MYOM1: variants seen among roughly 807,000 people sequenced by gnomAD.
MYOM1 encodes the protein myomesin 1.
Under a neutral mutation model 205.3 loss-of-function variants are expected in MYOM1, and 164 were observed. The ratio of observed to expected loss-of-function variants is 0.80; its 90% CI spans 0.70 to 0.91. The LOEUF (loss-of-function observed/expected upper bound fraction) is 0.91, where lower values mean the gene tolerates loss of function less well. Among genes scored for constraint, MYOM1 ranks in the 40% least tolerant of loss-of-function variants. The probability of loss-of-function intolerance (pLI) is 0.00; values close to 1 mark genes in which losing one functional copy is unlikely to be tolerated. For synonymous variants in MYOM1, 772 were observed against 789.4 expected (o/e 0.98, Z 0.37); for missense variants, 2,011 against 2,127.3 (o/e 0.95, Z 1.08).
At chr18:3,099,059 T>A (rs2079343501) in intron 25 of MYOM1, among the ~76,000 whole-genome samples, 3 of 152,146 alleles carry the variant, frequency 2.0e-5, no homozygotes, top group African/African-American at 4.8e-5. Flanking sequence ...CCTCAAGTGA[T>A]CCTCTCGCTC....
chr18:3,122,170 T>A (rs935333556), intron 19 of MYOM1, among the ~76,000 whole-genome samples: 2 of 140,296 alleles, frequency 1.4e-5, no homozygotes, highest in African/African-American at 5.5e-5. Context: ...AAGTACAAAA[T>A]AAGATATTAG....
intron 15 of MYOM1, 57 bp from the exon 16 acceptor site, chr18:3,134,881 C>T: frequency 6.5e-7 from 1 of 1,539,750 alleles, no homozygotes; most frequent in East Asian, 2.2e-5. Context: ...TCATCCTTAT[C>T]ATCTATGCAC....
intron 20 of MYOM1, among the ~76,000 whole-genome samples, chr18:3,117,662 T>C (rs12965300): frequency 0.85 from 128,316 of 151,178 alleles, 55,039 homozygotes; most frequent in East Asian, 0.97. Context: ...TCCTTTCCTT[T>C]TTTTTTTTTT....
chr18:3,137,971 T>A (rs567425293), intron 14 of MYOM1, among the ~76,000 whole-genome samples: 73 of 152,284 alleles, frequency 4.8e-4, no homozygotes, highest in Non-Finnish European at 9.0e-4. Flanking sequence ...TAAAAAAAGA[T>A]GTTCTCTTTT....
intron 22 of MYOM1, among the ~76,000 whole-genome samples, chr18:3,104,429 A>G (rs1473350727): frequency 6.6e-6 from 1 of 152,230 alleles, no homozygotes; most frequent in African/African-American, 2.4e-5. Flanking sequence ...AAGGAAGTGA[A>G]TCATCCATAT....
intron 37 of MYOM1, among the ~76,000 whole-genome samples, chr18:3,068,938 T>A (rs1271405305): frequency 6.6e-6 from 1 of 152,160 alleles, no homozygotes; most frequent in Non-Finnish European, 1.5e-5. Flanking sequence ...TTATTTTTTT[T>A]AATTAAAAAA....
chr18:3,162,930 G>A lies in MYOM1; in HGVS notation c.1501+1348C>T, dbSNP rs192083479. Among the ~76,000 whole-genome samples the A allele has an allele frequency of 4.5e-3, 686 of 152,028 alleles. 3 individuals are homozygous for A. Among genetic ancestry groups the A allele is most frequent in the Middle Eastern group, 6.8e-3 (2 of 294 alleles). The stretch of plus-strand genomic sequence containing the variant: ...AGTCCCAGCTACTCGGGAGGCTGAC[G>A]CAAGAGAATGGTGTGAACCCAGGAG... On this transcript the variant is annotated intron_variant, in intron 10 of 37. Coordinates refer to ENST00000356443, the MANE Select transcript of MYOM1 (RefSeq NM_003803.4).
intron 9 of MYOM1, among the ~76,000 whole-genome samples, chr18:3,165,711 T>G (rs1197555017): frequency 6.6e-6 from 1 of 152,214 alleles, no homozygotes; most frequent in Non-Finnish European, 1.5e-5. Flanking sequence ...TTTGTGCAGA[T>G]CCCACAGAGC....
chr18:3,120,041 T>G (rs1432580685), intron 19 of MYOM1, 46 bp from the exon 20 acceptor site: 97 of 1,508,994 alleles, frequency 6.4e-5, no homozygotes, highest in Non-Finnish European at 8.3e-5. Context: ...CCAGGTTTGT[T>G]TTTTTTTTTC....
At chr18:3,143,834 G>A (rs1012119873) in intron 13 of MYOM1, among the ~76,000 whole-genome samples, 1 of 147,764 alleles carries the variant, frequency 6.8e-6, no homozygotes, top group Non-Finnish European at 1.5e-5. Flanking sequence ...CCAAGAGGTC[G>A]AGGCTGCAGT....
At chr18:3,169,235 A>C (rs1397551099) in intron 8 of MYOM1, among the ~76,000 whole-genome samples, 1 of 152,202 alleles carries the variant, frequency 6.6e-6, no homozygotes, top group East Asian at 1.9e-4. Flanking sequence ...AATAGAATTT[A>C]AAGGGTCAGG....
intron 9 of MYOM1, 59 bp from the exon 10 acceptor site, chr18:3,164,498 G>A (rs2144049856): frequency 6.9e-7 from 1 of 1,456,196 alleles, no homozygotes; most frequent in African/African-American, 1.4e-5. Flanking sequence ...CTTCCTTCTT[G>A]TCTCCCCTCC....
chr18:3,124,095 C>A (rs1215878249), intron 19 of MYOM1, among the ~76,000 whole-genome samples: 2 of 151,420 alleles, frequency 1.3e-5, no homozygotes. Flanking sequence ...CCTCGGCCTC[C>A]CAAAGTGCTG....
intron 8 of MYOM1, among the ~76,000 whole-genome samples, chr18:3,172,667 G>C (rs1437023492): frequency 1.3e-5 from 2 of 152,032 alleles, no homozygotes; most frequent in East Asian, 1.9e-4. Flanking sequence ...CCACCACCAT[G>C]CCTGGCTAAT....
rs1012189653 is a variant in MYOM1 at position 3,192,260 on chromosome 18, G to A, written c.431+1558C>T. Among the ~76,000 whole-genome samples, 8 of 152,140 alleles carry A rather than the reference G, an allele frequency of 5.3e-5. No homozygotes were observed. The South Asian group carries it at 8.3e-4, about 16-fold the overall frequency. On this transcript the variant is annotated intron_variant, in intron 3 of 37. Coordinates refer to ENST00000356443, the MANE Select transcript of MYOM1 (RefSeq NM_003803.4). The stretch of plus-strand genomic sequence containing the variant: ...GCCTACCATCTCTTATAAGGAATGC[G>A]AGTTACATTAAGCTACTGTGAAGAG...
rs191210595 is a variant in MYOM1, at chr18:3,152,089, G to A, written c.1644-196C>T. On this transcript the variant is annotated intron_variant, in intron 11 of 37. Transcript: ENST00000356443. This position sits in a 1 kb window ranked among gnomAD's most constrained non-coding sequence, Gnocchi z 4.3. ...TGCACTGTGTCTTCTTTACCAAGAG[G>A]AAAGAAGCCTCAGGTCCTTCCTGAA... Among the ~76,000 whole-genome samples, 18 of 152,242 alleles carry A rather than the reference G, an allele frequency of 1.2e-4. No homozygotes were observed. The highest frequency in any genetic ancestry group is 4.3e-4 in the African/African-American group (18 of 41,538).
chr18:3,108,335 C>T (rs1451680724), intron 22 of MYOM1, among the ~76,000 whole-genome samples: 1 of 152,144 alleles, frequency 6.6e-6, no homozygotes, highest in Non-Finnish European at 1.5e-5. Context: ...GGGTTTCCTA[C>T]TTAATTTTAT....
chr18:3,077,559 C>A (rs551753213), intron 34 of MYOM1, among the ~76,000 whole-genome samples: 16 of 152,212 alleles, frequency 1.1e-4, no homozygotes, highest in African/African-American at 3.9e-4. Context: ...CTTGTCCCCG[C>A]ACCACTCTGA....
chr18:3,189,160 A>G lies in MYOM1; in HGVS notation c.432-73T>C. ...AAGATTGAGTAATTTTACTAAGTTCAAAGTACCACATCTCAGACACTGTAT... is the reference window on the plus strand; with the variant it reads ...AAGATTGAGTAATTTTACTAAGTTCGAAGTACCACATCTCAGACACTGTAT... On this transcript the variant is annotated intron_variant, in intron 3 of 37. Coordinates refer to ENST00000356443, the MANE Select transcript of MYOM1 (RefSeq NM_003803.4). The surrounding 1 kb of genome is among the most constrained non-coding windows in gnomAD (Gnocchi z 4.8). The G allele has an allele frequency of 2.2e-6, 3 of 1,386,226 alleles. No homozygotes were observed. In the Admixed American group the frequency reaches 5.8e-5, roughly 27 times the overall value. The allele number at this position is 1,386,226 out of a possible 1,614,324, so 85.9% of individuals were successfully genotyped here.
Sources: gnomAD v4.1 joint callset for allele counts (sites outside exome capture counted in the v4.1 genomes callset) on GRCh38, gnomAD v4.1.1 for gene constraint, Gnocchi (gnomAD v3.1) non-coding constraint, MANE v1.5 for transcripts, NCBI Gene and HGNC (gene_info 2026-07-23, HGNC 2026-07-21) for gene names.